CCDC141: variants seen among roughly 807,000 people sequenced by gnomAD.
CCDC141 encodes the protein coiled-coil domain-containing protein 141.
CCDC141 carries 168 observed loss-of-function variants against 181.0 expected under a neutral mutation model. The ratio of observed to expected loss-of-function variants is 0.93; its 90% CI spans 0.82 to 1.05. The LOEUF is 1.05. Ranked by LOEUF, CCDC141 falls within the 50% of genes least tolerant of loss-of-function variation. CCDC141 has a pLI of 0.00. For synonymous variants in CCDC141, 666 were observed against 642.3 expected (o/e 1.04, Z -0.56); for missense variants, 1,902 against 1,788.5 (o/e 1.06, Z -1.14).
At chr2:178,877,291 A>G (rs1686394978) in intron 12 of CCDC141, 1 of 152,242 alleles carries the variant, frequency 6.6e-6, no homozygotes. Flanking sequence ...GTGTAGCTAC[A>G]GATGATTAGG....
In CCDC141 at chr2:178,961,364, T is replaced by C. The variant is rs1330380061; in HGVS notation, c.646A>G (p.Ser216Gly). The C allele has an allele frequency of 6.4e-7, 1 of 1,550,662 alleles. No individual in the cohort carries two copies. The highest frequency in any genetic ancestry group is 2.0e-5 in the Admixed American group (1 of 51,002). The change falls in exon 5 of 24, where the codon AGC (serine) becomes GGC (glycine). Residue 216 changes from serine (S) to glycine (G), a missense_variant. Ser to Gly is a moderately conservative substitution (Grantham distance 56). Coordinates refer to ENST00000443758, the MANE Select transcript of CCDC141 (RefSeq NM_173648.4). ...AGAAGGCGGTCAACCTTCAGACAGC[T>C]GCTATGAGCTCCCTGAGTCAACTCA... Reference protein sequence around the residue: ...NPELTQGAHSSCLKVDRLLEL... With the variant: ...NPELTQGAHSGCLKVDRLLEL...
In CCDC141 at chr2:179,047,272, T is replaced by G; in HGVS notation, c.225+12A>C. ...TTTAATTTTGTTTCTGCTTCACATC[T>G]TAGTATCTTACCTTGAGCTTGGCCA... On this transcript the variant is annotated intron_variant, in intron 2 of 23. Transcript: ENST00000443758. The G allele has an allele frequency of 1.3e-6, 2 of 1,513,822 alleles. No homozygotes were observed. The highest frequency in any genetic ancestry group is 1.8e-6 in the Non-Finnish European group (2 of 1,136,804). The allele number at this position is 1,513,822 out of a possible 1,614,324, so 93.8% of individuals were successfully genotyped here.
chr2:179,019,153 T>C (rs1049806032), intron 2 of CCDC141, among the ~76,000 whole-genome samples: 17 of 152,154 alleles, frequency 1.1e-4, no homozygotes, highest in Admixed American at 5.2e-4. Context: ...AAGCCAATAT[T>C]ATATTAGGAG....
At position 178,868,153 on chromosome 2, in the gene CCDC141, T is replaced by TC; in HGVS notation, c.2446dup (p.Glu816GlyfsTer4). 12 of 1,614,030 alleles carry TC rather than the reference T, an allele frequency of 7.4e-6. No individual in the cohort carries two copies. The highest frequency in any genetic ancestry group is 9.3e-6 in the Non-Finnish European group (11 of 1,179,904). On this transcript the variant is annotated frameshift_variant, in exon 16 of 24. Coordinates refer to ENST00000443758, the MANE Select transcript of CCDC141 (RefSeq NM_173648.4). LOFTEE classifies it high-confidence loss of function. Reference sequence around the variant, plus strand: ...CTGCACATCATGGGCATCACCCAGTTCCTTCGGCTGCTCTACAAACTCCAG... The same window carrying TC: ...CTGCACATCATGGGCATCACCCAGTTCCCTTCGGCTGCTCTACAAACTCCAG...
At chr2:179,025,162 T>C (rs1171498018) in intron 2 of CCDC141, among the ~76,000 whole-genome samples, 1 of 152,062 alleles carries the variant, frequency 6.6e-6, no homozygotes, top group Non-Finnish European at 1.5e-5. Context: ...GTTTGTTATA[T>C]AGGTAAACTG....
chr2:178,957,359 G>A (rs903273147), intron 5 of CCDC141, among the ~76,000 whole-genome samples: 1 of 152,184 alleles, frequency 6.6e-6, no homozygotes. Context: ...CATTGAAACA[G>A]CAACGAGACA....
chr2:178,899,504 C>A (rs1180871093), intron 8 of CCDC141, among the ~76,000 whole-genome samples: 1 of 152,104 alleles, frequency 6.6e-6, no homozygotes, highest in Non-Finnish European at 1.5e-5. Flanking sequence ...AAATGTATAT[C>A]TTCATTTTAC....
chr2:178,989,361 A>C (rs953738914), intron 2 of CCDC141, among the ~76,000 whole-genome samples: 5 of 152,048 alleles, frequency 3.3e-5, no homozygotes, highest in African/African-American at 1.2e-4. Context: ...TGGGAGGCCG[A>C]GGCAGGCAGG....
At chr2:178,896,422 A>T (rs1393394894) in intron 8 of CCDC141, among the ~76,000 whole-genome samples, 1 of 152,122 alleles carries the variant, frequency 6.6e-6, no homozygotes, top group Non-Finnish European at 1.5e-5. Context: ...GGTCAGTTTT[A>T]TATGGCTTTG....
In CCDC141 at chr2:178,961,439, GTTGT is replaced by G; in HGVS notation, c.567_570del (p.Gln189HisfsTer6). The G allele has an allele frequency of 6.5e-7, 1 of 1,550,368 alleles. No individual in the cohort carries two copies. Among genetic ancestry groups the G allele is most frequent in the Non-Finnish European group, 8.7e-7 (1 of 1,146,804 alleles). On this transcript the variant is annotated frameshift_variant, in exon 5 of 24. Coordinates refer to ENST00000443758, the MANE Select transcript of CCDC141 (RefSeq NM_173648.4). LOFTEE classifies it high-confidence loss of function. ...TTGAATTTTTCTATGAAGTCAGTGA[GTTGT>G]TGACTTTTGTTTAAAAGGGCTAAAG...
intron 6 of CCDC141, among the ~76,000 whole-genome samples, chr2:178,927,226 G>A (rs1163331749): frequency 1.3e-5 from 2 of 152,022 alleles, no homozygotes; most frequent in East Asian, 3.9e-4. Context: ...TCAATAATCT[G>A]TGAACCAGCT....
At chr2:179,012,434 C>T (rs979005819) in intron 2 of CCDC141, among the ~76,000 whole-genome samples, 1 of 151,944 alleles carries the variant, frequency 6.6e-6, no homozygotes, top group African/African-American at 2.4e-5. Flanking sequence ...AATTAGATAC[C>T]CTGAACAGAC....
chr2:178,961,403 G>A lies in CCDC141; in HGVS notation c.607C>T (p.Pro203Ser). The A allele has an allele frequency of 6.4e-7, 1 of 1,550,456 alleles. No individual in the cohort carries two copies. The highest frequency in any genetic ancestry group is 8.7e-7 in the Non-Finnish European group (1 of 1,146,914). Residue 203 changes from proline (P) to serine (S), a missense_variant, in exon 5 of 24, where the codon CCT (proline) becomes TCT (serine). Transcript: ENST00000443758. ...DFIEKFKCEGPNVNPELTQGA... is the reference protein window; with the variant it reads ...DFIEKFKCEGSNVNPELTQGA... ...TGAGTCAACTCAGGATTCACATTAG[G>A]TCCTTCACACTTGAATTTTTCTATG...
At position 178,834,128 on chromosome 2, in the gene CCDC141, T is replaced by C. The variant is rs987736009; in HGVS notation, c.*45A>G. On this transcript the variant is annotated 3_prime_UTR_variant, in exon 24 of 24. Transcript: ENST00000443758. ...GCAGGAAGATAAACGGCGGCACTTT[T>C]CTTTAGGCACATGAGAATGATGTCC... The C allele has an allele frequency of 3.3e-6, 5 of 1,521,774 alleles. No individual in the cohort carries two copies. The African/African-American group carries it at 5.5e-5, about 17-fold the overall frequency. 94.3% of individuals were successfully genotyped at this position (1,521,774 alleles called of 1,614,324 possible). A position where few individuals can be genotyped will look rare whatever the true frequency, so the allele number is the denominator to read the frequency against.
chr2:178,851,068 T>C (rs1337696560), intron 20 of CCDC141, among the ~76,000 whole-genome samples: 2 of 151,978 alleles, frequency 1.3e-5, no homozygotes, highest in Non-Finnish European at 2.9e-5. Context: ...TAACCTGGTG[T>C]GGTGGCACAT....
chr2:179,045,244 T>C (rs1194784864), intron 2 of CCDC141, among the ~76,000 whole-genome samples: 1 of 144,886 alleles, frequency 6.9e-6, no homozygotes, highest in African/African-American at 2.5e-5. Flanking sequence ...TTCCCACCTA[T>C]GAGTGAGAAT....
chr2:178,987,427 A>G (rs1276990700), intron 2 of CCDC141, among the ~76,000 whole-genome samples: 1 of 152,146 alleles, frequency 6.6e-6, no homozygotes, highest in Non-Finnish European at 1.5e-5. Context: ...TCATGTCTAA[A>G]ACACCAAAAG....
intron 7 of CCDC141, among the ~76,000 whole-genome samples, chr2:178,909,117 T>G (rs1447066411): frequency 6.6e-6 from 1 of 152,200 alleles, no homozygotes; most frequent in Non-Finnish European, 1.5e-5. Context: ...CATCATTGAA[T>G]GCATGTGAGA....
At chr2:179,014,919 G>A (rs1036866460) in intron 2 of CCDC141, among the ~76,000 whole-genome samples, 1 of 151,218 alleles carries the variant, frequency 6.6e-6, no homozygotes, top group Admixed American at 6.6e-5. Flanking sequence ...TTCCACTACT[G>A]GGTATCTACC....
Sources: gnomAD v4.1 joint callset for allele counts (sites outside exome capture counted in the v4.1 genomes callset) on GRCh38, gnomAD v4.1.1 for gene constraint, MANE v1.5 for transcripts, NCBI Gene and HGNC (gene_info 2026-07-23, HGNC 2026-07-21) for gene names.